The following DOK5 variants were observed in gnomAD, a reference collection of about 807,000 sequenced individuals.
DOK5 encodes downstream of tyrosine kinase 5.
Under a neutral mutation model 43.3 loss-of-function variants are expected in DOK5, and 27 were observed. The observed-to-expected ratio is 0.62, with a 90% CI of 0.46 to 0.86. The LOEUF (loss-of-function observed/expected upper bound fraction) is 0.86. Ranked by LOEUF, DOK5 falls within the 40% of genes least tolerant of loss-of-function variation. The probability of loss-of-function intolerance (pLI) is 0.00; values close to 1 mark genes in which losing one functional copy is unlikely to be tolerated. For synonymous variants in DOK5, 146 were observed against 140.1 expected (o/e 1.04, Z -0.30); for missense variants, 373 against 392.9 (o/e 0.95, Z 0.43).
chr20:54,488,858 A>G (rs1982052525), intron 1 of DOK5, among the ~76,000 whole-genome samples: 1 of 132,112 alleles, frequency 7.6e-6, no homozygotes, highest in African/African-American at 2.7e-5. Flanking sequence ...GTGTTATTTT[A>G]TGCCCATTTT....
intron 6 of DOK5, among the ~76,000 whole-genome samples, chr20:54,639,727 CT>C (rs1433602892): frequency 2.6e-5 from 4 of 152,158 alleles, no homozygotes; most frequent in Admixed American, 6.5e-5. Context: ...GATTCTGTGG[CT>C]TTAGCAGAAG....
chr20:54,634,091 C>A (rs971803685), intron 6 of DOK5, among the ~76,000 whole-genome samples: 1 of 152,170 alleles, frequency 6.6e-6, no homozygotes, highest in African/African-American at 2.4e-5. Flanking sequence ...ACTGGGAAAC[C>A]AGAAATGCAT....
intron 1 of DOK5, among the ~76,000 whole-genome samples, chr20:54,511,093 T>G (rs1983000983): frequency 6.6e-6 from 1 of 152,206 alleles, no homozygotes; most frequent in Non-Finnish European, 1.5e-5. Flanking sequence ...CTTCATGAGC[T>G]AGGTAGCATC....
chr20:54,545,121 T>A (rs1984294554), intron 1 of DOK5, among the ~76,000 whole-genome samples: 2 of 152,180 alleles, frequency 1.3e-5, no homozygotes, highest in Non-Finnish European at 2.9e-5. Context: ...AGTTTTGAGA[T>A]TAAAGGCAAG....
At chr20:54,494,052 A>T (rs140670622) in intron 1 of DOK5, among the ~76,000 whole-genome samples, 6 of 152,284 alleles carry the variant, frequency 3.9e-5, no homozygotes, top group African/African-American at 1.2e-4. Flanking sequence ...ACTTGTTTTG[A>T]GAGTGTTGTT....
At chr20:54,590,781 T>C (rs1811928564) in intron 4 of DOK5, among the ~76,000 whole-genome samples, 1 of 152,192 alleles carries the variant, frequency 6.6e-6, no homozygotes, top group African/African-American at 2.4e-5. Context: ...ATGTAGGCAA[T>C]CTACCATAAT....
chr20:54,572,694 G>A (rs1418394121), intron 2 of DOK5, among the ~76,000 whole-genome samples: 2 of 151,648 alleles, frequency 1.3e-5, no homozygotes, highest in South Asian at 4.2e-4. Context: ...CCTTTTTTTT[G>A]TAGGTCTTGG....
rs1366252946 is a variant in DOK5, at chr20:54,591,774, G to A, written c.568G>A (p.Asp190Asn). The change falls in exon 5 of 8, where the codon GAT becomes AAT. Residue 190 changes from aspartate to asparagine, a missense_variant. Physicochemically the swap from Asp to Asn is conservative, Grantham distance 23. Transcript: ENST00000262593. ...PLSALRRYGR[D>N]TTWFTFEAGR... ...AAGCGCCCTGCGGCGGTATGGACGT[G>A]ATACTACGTGGTTCACTTTTGAGGC... 1 of 1,613,080 alleles carries A rather than the reference G, an allele frequency of 6.2e-7. No homozygotes were observed. The highest frequency in any genetic ancestry group is 2.2e-5 in the East Asian group (1 of 44,884).
At chr20:54,604,095 C>T (rs1032644552) in intron 5 of DOK5, among the ~76,000 whole-genome samples, 1 of 151,626 alleles carries the variant, frequency 6.6e-6, no homozygotes, top group Non-Finnish European at 1.5e-5. Context: ...TACAGGCGCC[C>T]GCCACCATGC....
At chr20:54,506,725 T>G (rs1028079509) in intron 1 of DOK5, among the ~76,000 whole-genome samples, 6 of 152,196 alleles carry the variant, frequency 3.9e-5, no homozygotes, top group African/African-American at 1.4e-4. Context: ...CCTCTCAAAG[T>G]GCTGGGATTA....
rs147096135 is a variant in DOK5, at chr20:54,505,013, C to T, written c.66+29001C>T. Among the ~76,000 whole-genome samples the T allele has an allele frequency of 5.9e-4, 90 of 152,158 alleles. 1 individual carries two copies. Among genetic ancestry groups the T allele is most frequent in the Non-Finnish European group, 1.1e-3 (76 of 67,978 alleles). On this transcript the variant is annotated intron_variant, in intron 1 of 7. Transcript: ENST00000262593. ...GAGATGCTTCTATTCATATCTGTCC[C>T]GGTGGCATTCCCCAAGTGGTGTCTC... is the stretch of plus-strand genomic sequence containing the variant.
chr20:54,547,707 A>T (rs1984394951), intron 1 of DOK5, among the ~76,000 whole-genome samples: 1 of 152,204 alleles, frequency 6.6e-6, no homozygotes, highest in African/African-American at 2.4e-5. Context: ...TAGGTATAAT[A>T]AAATCACCAC....
intron 7 of DOK5, among the ~76,000 whole-genome samples, chr20:54,646,125 A>C (rs1343830755): frequency 6.6e-6 from 1 of 151,790 alleles, no homozygotes; most frequent in African/African-American, 2.4e-5. Context: ...GAGTTATATC[A>C]TCACAATTTT....
chr20:54,493,720 T>A (rs538786506), intron 1 of DOK5, among the ~76,000 whole-genome samples: 1 of 152,146 alleles, frequency 6.6e-6, no homozygotes, highest in East Asian at 1.9e-4. Context: ...GAGGATTGCT[T>A]GAGGCCAGGA....
intron 1 of DOK5, among the ~76,000 whole-genome samples, chr20:54,520,815 A>C (rs1018626909): frequency 1.1e-4 from 15 of 135,802 alleles, no homozygotes; most frequent in African/African-American, 3.4e-4. Context: ...CAACAAAAAA[A>C]CCTACATGTC....
chr20:54,591,759 C>T lies in DOK5; in HGVS notation c.553C>T (p.Arg185Trp), dbSNP rs779647488. 1.1e-5 allele frequency: 17 copies of T among 1,613,982 alleles called. No individual in the cohort carries two copies. Among genetic ancestry groups the T allele is most frequent in the East Asian group, 2.2e-5 (1 of 44,888 alleles). ...CATCTCTTGGCCGCTAAGCGCCCTGCGGCGGTATGGACGTGATACTACGTG... is the reference window on the plus strand; with the variant it reads ...CATCTCTTGGCCGCTAAGCGCCCTGTGGCGGTATGGACGTGATACTACGTG... Reference protein sequence around the residue: ...KLISWPLSALRRYGRDTTWFT... With the variant: ...KLISWPLSALWRYGRDTTWFT... The change falls in exon 5 of 8, where the codon CGG (arginine) becomes TGG (tryptophan). Residue 185 changes from arginine (R) to tryptophan (W), a missense_variant. Coordinates refer to ENST00000262593, the MANE Select transcript of DOK5 (RefSeq NM_018431.5).
chr20:54,536,182 T>C (rs767279587), intron 1 of DOK5, among the ~76,000 whole-genome samples: 53 of 152,340 alleles, frequency 3.5e-4, no homozygotes, highest in South Asian at 1.0e-3. Flanking sequence ...AGGTATTGAC[T>C]TGAGGTCAAT....
intron 1 of DOK5, among the ~76,000 whole-genome samples, chr20:54,529,947 C>T (rs1008862959): frequency 6.6e-6 from 1 of 152,234 alleles, no homozygotes; most frequent in Non-Finnish European, 1.5e-5. Flanking sequence ...TGTGGATAGA[C>T]CACATTTTGT....
At chr20:54,487,564 G>A (rs532739796) in intron 1 of DOK5, among the ~76,000 whole-genome samples, 3 of 152,250 alleles carry the variant, frequency 2.0e-5, no homozygotes, top group African/African-American at 7.2e-5. Flanking sequence ...AAATCCAAAG[G>A]GTGCAGGACT....
Sources: allele counts gnomAD v4.1 joint callset (sites outside exome capture counted in the v4.1 genomes callset), GRCh38; gene constraint gnomAD v4.1.1; transcripts MANE v1.5; gene names NCBI Gene and HGNC (gene_info 2026-07-23, HGNC 2026-07-21).